TLR3: variants seen among roughly 807,000 people sequenced by gnomAD.
TLR3 encodes the protein toll-like receptor 3.
TLR3 carries 43 observed loss-of-function variants against 66.4 expected under a neutral mutation model. That is an observed-to-expected ratio of 0.65 (90% CI 0.51 to 0.83). TLR3 has a LOEUF of 0.83. Ranked by LOEUF, TLR3 falls within the 40% of genes least tolerant of loss-of-function variation. The probability of loss-of-function intolerance (pLI) is 0.00; values close to 1 mark genes in which losing one functional copy is unlikely to be tolerated. For synonymous variants in TLR3, 397 were observed against 397.2 expected (o/e 1.00, Z 0.01); for missense variants, 982 against 1,044.6 (o/e 0.94, Z 0.83).
At chr4:186,077,584 C>T (rs921123152) in intron 2 of TLR3, among the ~76,000 whole-genome samples, 3 of 151,862 alleles carry the variant, frequency 2.0e-5, no homozygotes, top group African/African-American at 7.3e-5. Flanking sequence ...AAACTTTGCT[C>T]GAATTTTAGT....
At position 186,082,842 on chromosome 4, in the gene TLR3, C is replaced by A; in HGVS notation, c.1156C>A (p.Leu386Ile). The A allele has an allele frequency of 6.2e-7, 1 of 1,613,712 alleles. No homozygotes were observed. Among genetic ancestry groups the A allele is most frequent in the Non-Finnish European group, 8.5e-7 (1 of 1,179,758 alleles). ...ATTGATAAACCTGAAATACTTAAGT[C>A]TATCCAACTCCTTTACAAGTTTGCG... ...TGLINLKYLS[L>I]SNSFTSLRTL... The change falls in exon 4 of 5, where the codon CTA (leucine) becomes ATA (isoleucine). Residue 386 changes from leucine (L) to isoleucine (I), a missense_variant. By Grantham distance (5) the Leu-to-Ile change is conservative (BLOSUM62 2). Coordinates refer to ENST00000296795, the MANE Select transcript of TLR3 (RefSeq NM_003265.3).
chr4:186,084,337 C>T (rs553174795), intron 4 of TLR3, among the ~76,000 whole-genome samples, 165 bp downstream of exon 4: 1 of 152,032 alleles, frequency 6.6e-6, no homozygotes, highest in African/African-American at 2.4e-5. Context: ...TCTCCTGCCT[C>T]AGCCTCTCAA....
rs1376137437 is a variant in TLR3, at chr4:186,083,901, C to A, written c.2215C>A (p.His739Asn). 142 of 1,614,034 alleles carry A rather than the reference C, an allele frequency of 8.8e-5. No homozygotes were observed. Among genetic ancestry groups the A allele is most frequent in the Non-Finnish European group, 1.1e-4 (134 of 1,180,032 alleles). ...ATCTTTTTATTGGAATGTTTCAGTACATCGAGTTCTTGGTTTCAAAGAAAT... is the reference window on the plus strand; with the variant it reads ...ATCTTTTTATTGGAATGTTTCAGTAAATCGAGTTCTTGGTTTCAAAGAAAT... Reference protein sequence around the residue: ...RISFYWNVSVHRVLGFKEIDR... With the variant: ...RISFYWNVSVNRVLGFKEIDR... Residue 739 changes from histidine to asparagine, a missense_variant, in exon 4 of 5, where the codon CAT (histidine) becomes AAT (asparagine). Around this residue, in one of 3 missense-constraint regions of TLR3, gnomAD observed 666 missense variants for 709.0 expected, o/e 0.94. Coordinates refer to ENST00000296795, the MANE Select transcript of TLR3 (RefSeq NM_003265.3). This position sits in a 1 kb window ranked among gnomAD's most constrained non-coding sequence, Gnocchi z 4.0.
At chr4:186,073,681 G>C (rs920094798) in intron 1 of TLR3, among the ~76,000 whole-genome samples, 44 of 152,216 alleles carry the variant, frequency 2.9e-4, no homozygotes, top group Middle Eastern at 3.4e-3. Context: ...TAAGTAATGG[G>C]AGTAGGAAAA....
At position 186,086,892 on chromosome 4, in the gene TLR3, C is replaced by T. The variant is rs951739118; in HGVS notation, c.*2019C>T. On this transcript the variant is annotated 3_prime_UTR_variant, in exon 5 of 5. Transcript: ENST00000296795. ...GACAAAAGCAGAGGTTTATTGAAAA[C>T]GAAAGCACACCCCGCAGGGTGGGAG... 14 of 152,188 alleles carry T rather than the reference C, an allele frequency of 9.2e-5. No individual in the cohort carries two copies. In the East Asian group the frequency reaches 9.7e-4, roughly 10 times the overall value. The allele number at this position is 152,188 out of a possible 1,614,324, so 9.4% of individuals were successfully genotyped here.
chr4:186,078,670 CAA>C (rs1332175863), intron 2 of TLR3, among the ~76,000 whole-genome samples, 168 bp from the exon 3 acceptor site: 1 of 152,104 alleles, frequency 6.6e-6, no homozygotes, highest in Non-Finnish European at 1.5e-5. Context: ...TATAACGTAA[CAA>C]AGATTAATCA....
Position 186,087,771 on chromosome 4 carries a change from C to T in TLR3, c.*2898C>T, listed in dbSNP as rs1255364270. 3 of 152,022 alleles carry T rather than the reference C, an allele frequency of 2.0e-5. No homozygotes were observed. Among genetic ancestry groups the T allele is most frequent in the Non-Finnish European group, 4.4e-5 (3 of 68,012 alleles). 9.4% of individuals were successfully genotyped at this position (152,022 alleles called of 1,614,324 possible). A position where few individuals can be genotyped will look rare whatever the true frequency, so the allele number is the denominator to read the frequency against. ...AGACTCAACGGTAAGTTATAGTGAC[C>T]ATTGAAAAATGTAAAGGGGCTTCAA... On this transcript the variant is annotated 3_prime_UTR_variant, in exon 5 of 5. Coordinates refer to ENST00000296795, the MANE Select transcript of TLR3 (RefSeq NM_003265.3).
rs2099302933 is a variant in TLR3 at position 186,078,944 on chromosome 4, A to G, written c.546A>G (p.Lys182=). The G allele has an allele frequency of 6.2e-7, 1 of 1,613,888 alleles. No homozygotes were observed. The highest frequency in any genetic ancestry group is 8.5e-7 in the Non-Finnish European group (1 of 1,179,974). Reference sequence around the variant, plus strand: ...AAGAGCTTCTATTATCAAACAATAAAATTCAAGCGCTAAAAAGTGAAGAAC... The same window carrying G: ...AAGAGCTTCTATTATCAAACAATAAGATTCAAGCGCTAAAAAGTGAAGAAC... ...NLQELLLSNN[K]IQALKSEELD... The change falls in exon 3 of 5, where the codon AAA becomes AAG. Residue 182 remains lysine (K), a synonymous_variant. Coordinates refer to ENST00000296795, the MANE Select transcript of TLR3 (RefSeq NM_003265.3).
chr4:186,076,765 T>C lies in TLR3; in HGVS notation c.146T>C (p.Leu49Pro). The change falls in exon 2 of 5, where the codon CTA becomes CCA. Residue 49 changes from leucine (L) to proline (P), a missense_variant. By Grantham distance (98) the Leu-to-Pro change is moderately conservative. Around this residue, in one of 3 missense-constraint regions of TLR3, gnomAD observed 313 missense variants for 319.0 expected, o/e 0.98. Coordinates refer to ENST00000296795, the MANE Select transcript of TLR3 (RefSeq NM_003265.3). ...AAGTTGACTCAGGTACCCGATGATCTACCCACAAACATAACAGTGTTGAAC... is the reference window on the plus strand; with the variant it reads ...AAGTTGACTCAGGTACCCGATGATCCACCCACAAACATAACAGTGTTGAAC... ...HLKLTQVPDD[L>P]PTNITVLNLT... 2 of 1,614,146 alleles carry C rather than the reference T, an allele frequency of 1.2e-6. No individual in the cohort carries two copies. Among genetic ancestry groups the C allele is most frequent in the Non-Finnish European group, 1.7e-6 (2 of 1,180,016 alleles).
chr4:186,082,914 C>T lies in TLR3; in HGVS notation c.1228C>T (p.His410Tyr). The change falls in exon 4 of 5, where the codon CAC becomes TAC. Residue 410 changes from histidine (H) to tyrosine (Y), a missense_variant. His to Tyr is a moderately conservative substitution (Grantham distance 83). Around this residue, in one of 3 missense-constraint regions of TLR3, gnomAD observed 666 missense variants for 709.0 expected, o/e 0.94. Coordinates refer to ENST00000296795, the MANE Select transcript of TLR3 (RefSeq NM_003265.3). ...TFVSLAHSPL[H>Y]ILNLTKNKIS... ...TGTATCACTTGCTCATTCTCCCTTA[C>T]ACATACTCAACCTAACCAAGAATAA... 5 of 1,614,168 alleles carry T rather than the reference C, an allele frequency of 3.1e-6. No individual in the cohort carries two copies. Among genetic ancestry groups the T allele is most frequent in the Non-Finnish European group, 4.2e-6 (5 of 1,180,028 alleles).
Position 186,082,876 on chromosome 4 carries a change from C to G in TLR3, c.1190C>G (p.Thr397Arg), listed in dbSNP as rs1164758877. Residue 397 changes from threonine (T) to arginine (R), a missense_variant, in exon 4 of 5, where the codon ACA becomes AGA. Physicochemically the swap from Thr to Arg is moderately conservative, Grantham distance 71. Around this residue, in one of 3 missense-constraint regions of TLR3, gnomAD observed 666 missense variants for 709.0 expected, o/e 0.94. Transcript: ENST00000296795. ...SNSFTSLRTL[T>R]NETFVSLAHS... Reference sequence around the variant, plus strand: ...TCCTTTACAAGTTTGCGAACTTTGACAAATGAAACATTTGTATCACTTGCT... The same window carrying G: ...TCCTTTACAAGTTTGCGAACTTTGAGAAATGAAACATTTGTATCACTTGCT... 1 of 1,613,588 alleles carries G rather than the reference C, an allele frequency of 6.2e-7. No individual in the cohort carries two copies. Among genetic ancestry groups the G allele is most frequent in the Admixed American group, 1.7e-5 (1 of 59,964 alleles).
Position 186,082,919 on chromosome 4 carries a change from A to G in TLR3, c.1233A>G (p.Ile411Met). The change falls in exon 4 of 5, where the codon ATA becomes ATG. Residue 411 changes from isoleucine (I) to methionine (M), a missense_variant. Ile to Met is a conservative substitution (Grantham distance 10). Around this residue, in one of 3 missense-constraint regions of TLR3, gnomAD observed 666 missense variants for 709.0 expected, o/e 0.94. Transcript: ENST00000296795. ...FVSLAHSPLH[I>M]LNLTKNKISK... ...CACTTGCTCATTCTCCCTTACACAT[A>G]CTCAACCTAACCAAGAATAAAATCT... 1.9e-6 allele frequency: 3 copies of G among 1,614,122 alleles called. No homozygotes were observed. Among genetic ancestry groups the G allele is most frequent in the Non-Finnish European group, 1.7e-6 (2 of 1,180,026 alleles).
chr4:186,070,564 T>A lies in TLR3; in HGVS notation c.-8+1316T>A, dbSNP rs538294588. Among the ~76,000 whole-genome samples the A allele has an allele frequency of 5.3e-5, 8 of 151,852 alleles. No individual in the cohort carries two copies. In the South Asian group the frequency reaches 1.2e-3, roughly 24 times the overall value. On this transcript the variant is annotated intron_variant, in intron 1 of 4. Transcript: ENST00000296795. ...TATGGCCAGCTAATTTAAAAAAAAA[T>A]TTTGGTGGAGATGAGGTTTCCCTGT... is the stretch of plus-strand genomic sequence containing the variant.
chr4:186,072,387 A>G (rs2099301635), intron 1 of TLR3, among the ~76,000 whole-genome samples: 1 of 151,876 alleles, frequency 6.6e-6, no homozygotes, highest in South Asian at 2.1e-4. Flanking sequence ...ATCTCGGCTC[A>G]CTGCAGCCTC....
At chr4:186,079,231 C>T (rs897563149) in intron 3 of TLR3, among the ~76,000 whole-genome samples, 200 bp downstream of exon 3, 3 of 152,124 alleles carry the variant, frequency 2.0e-5, no homozygotes, top group South Asian at 2.1e-4. Context: ...GGGACTCTGC[C>T]GCCCTGCAGC....
At chr4:186,080,334 T>A (rs1326053136) in intron 3 of TLR3, among the ~76,000 whole-genome samples, 1 of 152,040 alleles carries the variant, frequency 6.6e-6, no homozygotes, top group East Asian at 1.9e-4. Flanking sequence ...AATATATGAA[T>A]AAATGAGAAA....
Position 186,084,555 on chromosome 4 carries a change from C to T in TLR3, c.2487-90C>T, listed in dbSNP as rs921025717. 5 of 846,434 alleles carry T rather than the reference C, an allele frequency of 5.9e-6. No homozygotes were observed. In the African/African-American group the frequency reaches 8.7e-5, roughly 15 times the overall value. The allele number at this position is 846,434 out of a possible 1,614,324, so 52.4% of individuals were successfully genotyped here. A position where few individuals can be genotyped will look rare whatever the true frequency, so the allele number is the denominator to read the frequency against. ...AAAAAAAAAACCTGAGTTTCAGTAACAGTTTAAACTCTACAGAGTATTTTT... is the reference window on the plus strand; with the variant it reads ...AAAAAAAAAACCTGAGTTTCAGTAATAGTTTAAACTCTACAGAGTATTTTT... On this transcript the variant is annotated intron_variant, in intron 4 of 4. Transcript: ENST00000296795.
intron 2 of TLR3, among the ~76,000 whole-genome samples, chr4:186,078,050 T>G (rs573628162): frequency 4.6e-5 from 7 of 152,198 alleles, no homozygotes; most frequent in Non-Finnish European, 8.8e-5. Context: ...TGGGTCTTCT[T>G]AGAGTCTAAT....
chr4:186,073,377 A>C (rs1045153773), intron 1 of TLR3, among the ~76,000 whole-genome samples: 12 of 152,052 alleles, frequency 7.9e-5, no homozygotes, highest in Non-Finnish European at 1.8e-4. Context: ...AAAATTAGCC[A>C]GGCATGGTGG....
Sources: allele counts gnomAD v4.1 joint callset (sites outside exome capture counted in the v4.1 genomes callset), GRCh38; gene constraint gnomAD v4.1.1; regional missense constraint gnomAD v4.1.1; non-coding constraint Gnocchi (gnomAD v3.1); transcripts MANE v1.5; gene names NCBI Gene and HGNC (gene_info 2026-07-23, HGNC 2026-07-21).